DNM1L: variants seen among roughly 807,000 people sequenced by gnomAD.
The protein encoded by DNM1L is dynamin 1L, also known as dynamin-1-like protein.
In DNM1L, 33 loss-of-function variants were observed where a neutral mutation model predicts 92.8. That is an observed-to-expected ratio of 0.36 (90% CI 0.27 to 0.48). The LOEUF is 0.48. Ranked by LOEUF, DNM1L falls within the 20% of genes least tolerant of loss-of-function variation. DNM1L has a pLI of 0.99. For synonymous variants in DNM1L, 284 were observed against 305.0 expected, an observed-to-expected ratio of 0.93 and a Z score of 0.72; for missense variants, 485 against 888.8, an observed-to-expected ratio of 0.55 and a Z score of 5.78.
intron 9 of DNM1L, among the ~76,000 whole-genome samples, chr12:32,727,788 C>T (rs1055704250): frequency 6.6e-6 from 1 of 152,172 alleles, no homozygotes. Flanking sequence ...TCTCCTACTA[C>T]TGGATAGTTT....
chr12:32,689,750 A>G (rs551813411), intron 1 of DNM1L, among the ~76,000 whole-genome samples: 1 of 152,360 alleles, frequency 6.6e-6, no homozygotes, highest in South Asian at 2.1e-4. Context: ...GGTATGAATG[A>G]ACATTATTAA....
chr12:32,685,278 C>T (rs1592560374), intron 1 of DNM1L, among the ~76,000 whole-genome samples: 1 of 151,162 alleles, frequency 6.6e-6, no homozygotes, highest in Admixed American at 6.6e-5. Context: ...TATATCTAAG[C>T]GTAGACTTGC....
At position 32,737,909 on chromosome 12, in the gene DNM1L, C is replaced by T. The variant is rs1955010457; in HGVS notation, c.1641C>T (p.Pro547=). ...PSALAPASQE[P]SPAASAEADG... is the part of the protein sequence containing the mutation. ...CTTTGGCACCTGCCTCCCAGGAGCC[C>T]TCCCCCGCTGCTTCTGCTGAGGCTG... Residue 547 remains proline (P), a synonymous_variant, in exon 15 of 20, where the codon CCC becomes CCT. Coordinates refer to ENST00000549701, the MANE Select transcript of DNM1L (RefSeq NM_012062.5). 4 of 1,613,996 alleles carry T rather than the reference C, an allele frequency of 2.5e-6. No individual in the cohort carries two copies. The South Asian group carries it at 3.3e-5, about 13-fold the overall frequency.
At chr12:32,686,571 C>T (rs1203898028) in intron 1 of DNM1L, among the ~76,000 whole-genome samples, 1 of 152,106 alleles carries the variant, frequency 6.6e-6, no homozygotes, top group Non-Finnish European at 1.5e-5. Context: ...TTGTTTCTGC[C>T]TTTTAGCTGT....
intron 18 of DNM1L, 128 bp from the exon 19 acceptor site, chr12:32,742,461 T>C (rs1180421190): frequency 8.5e-7 from 1 of 1,179,100 alleles, no homozygotes. Flanking sequence ...AGGGCGATTA[T>C]GCCATTAATG....
At chr12:32,713,493 G>T in intron 6 of DNM1L, 122 bp downstream of exon 6, 1 of 1,112,318 alleles carries the variant, frequency 9.0e-7, no homozygotes. Flanking sequence ...AAAAGATAAT[G>T]CTTTCCTATT....
chr12:32,728,995 G>A (rs1954348199), intron 9 of DNM1L: 1 of 152,030 alleles, frequency 6.6e-6, no homozygotes, highest in Non-Finnish European at 1.5e-5. Flanking sequence ...GTTTCACTGT[G>A]TTAGCCAGGA....
chr12:32,714,924 C>T (rs1328100539), intron 6 of DNM1L, among the ~76,000 whole-genome samples: 1 of 151,754 alleles, frequency 6.6e-6, no homozygotes, highest in African/African-American at 2.4e-5. Context: ...GGCTTGAGCC[C>T]GGGAGGCAGA....
intron 1 of DNM1L, among the ~76,000 whole-genome samples, chr12:32,687,304 C>G (rs1416675243): frequency 1.3e-5 from 2 of 151,776 alleles, no homozygotes; most frequent in East Asian, 3.9e-4. Flanking sequence ...ATTTTGAGTA[C>G]ATCTTGGTAT....
In DNM1L at chr12:32,740,510, T is replaced by A; in HGVS notation, c.1986T>A (p.Ile662=). 6.2e-7 allele frequency: 1 copy of A among 1,610,952 alleles called. No homozygotes were observed. The highest frequency in any genetic ancestry group is 8.5e-7 in the Non-Finnish European group (1 of 1,177,484). The change falls in exon 18 of 20, where the codon ATT becomes ATA. Residue 662 remains isoleucine (I), a synonymous_variant. Transcript: ENST00000549701. ...KSYFLIVRKN[I]QDSVPKAVMH... is the part of the protein sequence containing the mutation. ...ATTTTCTCATTGTCAGAAAGAATATTCAAGACAGGTTAGTATTACTTAATA... is the reference window on the plus strand; with the variant it reads ...ATTTTCTCATTGTCAGAAAGAATATACAAGACAGGTTAGTATTACTTAATA...
chr12:32,731,761 T>G lies in DNM1L; in HGVS notation c.1357-93T>G. On this transcript the variant is annotated intron_variant, in intron 11 of 19. Coordinates refer to ENST00000549701, the MANE Select transcript of DNM1L (RefSeq NM_012062.5). The surrounding 1 kb of genome is among the most constrained non-coding windows in gnomAD (Gnocchi z 5.1). ...GCTTCTACATGTAGTCTCAGCTACTTGGGAGGCTAAGGTGGGAGGATGGCT... is the reference window on the plus strand; with the variant it reads ...GCTTCTACATGTAGTCTCAGCTACTGGGGAGGCTAAGGTGGGAGGATGGCT... 1 of 1,123,802 alleles carries G rather than the reference T, an allele frequency of 8.9e-7. No individual in the cohort carries two copies. The highest frequency in any genetic ancestry group is 2.4e-5 in the East Asian group (1 of 41,674). The allele number at this position is 1,123,802 out of a possible 1,614,324, so 69.6% of individuals were successfully genotyped here.
At chr12:32,707,936 G>C (rs764128092) in intron 3 of DNM1L, among the ~76,000 whole-genome samples, 1 of 150,800 alleles carries the variant, frequency 6.6e-6, no homozygotes, top group Non-Finnish European at 1.5e-5. Context: ...GGGTGACAGA[G>C]TCAGACCCTC....
chr12:32,686,541 C>A (rs141462545), intron 1 of DNM1L, among the ~76,000 whole-genome samples: 1 of 152,116 alleles, frequency 6.6e-6, no homozygotes, highest in African/African-American at 2.4e-5. Flanking sequence ...TATTCAATCA[C>A]CTATTGATGA....
chr12:32,741,540 C>T (rs1427527576), intron 18 of DNM1L, among the ~76,000 whole-genome samples: 1 of 152,170 alleles, frequency 6.6e-6, no homozygotes, highest in Non-Finnish European at 1.5e-5. Flanking sequence ...CTGTCTTGGC[C>T]TCCCAAAGTG....
chr12:32,706,823 C>T (rs10844309), intron 2 of DNM1L: 51,431 of 383,450 alleles, frequency 0.13, 3,587 homozygotes, highest in Middle Eastern at 0.19. Context: ...AGGTAACCAA[C>T]AGGAAACCAA....
chr12:32,705,853 C>T (rs762152944), intron 2 of DNM1L: 2 of 1,597,906 alleles, frequency 1.3e-6, no homozygotes, highest in Non-Finnish European at 1.7e-6. Flanking sequence ...ACTCAAGACA[C>T]CTTTCTAAAG....
At position 32,743,400 on chromosome 12, in the gene DNM1L, A is replaced by C; in HGVS notation, c.2201A>C (p.His734Pro). The stretch of plus-strand genomic sequence containing the variant: ...ATTATTGCTGAAATCCGGGAGACTC[A>C]TCTTTGGTGAAGAGAACTATGTAAT... ...SQIIAEIRET[H>P]LW is the part of the protein sequence containing the mutation. The change falls in exon 20 of 20, where the codon CAT (histidine) becomes CCT (proline). Residue 734 changes from histidine to proline, a missense_variant. Coordinates refer to ENST00000549701, the MANE Select transcript of DNM1L (RefSeq NM_012062.5). 4 of 1,613,980 alleles carry C rather than the reference A, an allele frequency of 2.5e-6. No individual in the cohort carries two copies. The highest frequency in any genetic ancestry group is 3.4e-6 in the Non-Finnish European group (4 of 1,179,988).
intron 13 of DNM1L, 51 bp downstream of exon 13, chr12:32,733,858 C>T (rs1954713251): frequency 6.6e-7 from 1 of 1,509,586 alleles, no homozygotes; most frequent in Non-Finnish European, 9.2e-7. Context: ...TCTGTTGTAA[C>T]TCAGTTATAT....
At chr12:32,740,321 GTC>G (rs1455028513) in intron 17 of DNM1L, 81 bp downstream of exon 17, 16 of 1,611,504 alleles carry the variant, frequency 9.9e-6, no homozygotes, top group Non-Finnish European at 1.4e-5. Flanking sequence ...AGAACTAAAA[GTC>G]TCAAAAACTT....
Sources: gnomAD v4.1 joint callset for allele counts (sites outside exome capture counted in the v4.1 genomes callset) on GRCh38, gnomAD v4.1.1 for gene constraint, Gnocchi (gnomAD v3.1) non-coding constraint, MANE v1.5 for transcripts, NCBI Gene and HGNC (gene_info 2026-07-23, HGNC 2026-07-21) for gene names.